The following ELMO1 variants were observed in gnomAD, a reference collection of about 807,000 sequenced individuals.
The protein encoded by ELMO1 is engulfment and cell motility protein 1.
ELMO1 carries 26 observed loss-of-function variants against 98.9 expected under a neutral mutation model. That is an observed-to-expected ratio of 0.26 (90% CI 0.19 to 0.36). ELMO1 has a LOEUF of 0.36. ELMO1 is among the 10% of genes least tolerant of loss of function. ELMO1 has a pLI of 1.00. For synonymous variants in ELMO1, 346 were observed against 346.0 expected (o/e 1.00, Z 0.00); for missense variants, 627 against 935.2 (o/e 0.67, Z 4.30).
intron 1 of ELMO1, among the ~76,000 whole-genome samples, chr7:37,412,836 C>T (rs1164057446): frequency 1.3e-5 from 2 of 152,282 alleles, no homozygotes; most frequent in Admixed American, 6.5e-5. Context: ...ACTCAAGCAG[C>T]CCTAAGAGAC....
chr7:37,411,620 T>G (rs576178711), intron 1 of ELMO1, among the ~76,000 whole-genome samples: 13 of 152,310 alleles, frequency 8.5e-5, no homozygotes, highest in African/African-American at 2.6e-4. Context: ...AATGGCATTT[T>G]TGTGTGTGTG....
chr7:37,376,467 T>C (rs1006774122), intron 1 of ELMO1, among the ~76,000 whole-genome samples: 1 of 152,232 alleles, frequency 6.6e-6, no homozygotes, highest in African/African-American at 2.4e-5. Flanking sequence ...ACATCACGAT[T>C]GTAAAACCTA....
At chr7:37,159,846 A>T (rs926194699) in intron 13 of ELMO1, among the ~76,000 whole-genome samples, 4 of 152,214 alleles carry the variant, frequency 2.6e-5, no homozygotes, top group African/African-American at 7.2e-5. Context: ...ACATAAAGTC[A>T]CGTTTGAAGA....
At chr7:37,048,452 C>T (rs1031898601) in intron 15 of ELMO1, among the ~76,000 whole-genome samples, 3 of 152,216 alleles carry the variant, frequency 2.0e-5, no homozygotes, top group Non-Finnish European at 4.4e-5. Flanking sequence ...GATTCCTGTG[C>T]ATTTGCATAA....
intron 19 of ELMO1, among the ~76,000 whole-genome samples, chr7:36,871,036 T>G (rs1286214053): frequency 6.6e-6 from 1 of 152,262 alleles, no homozygotes; most frequent in Non-Finnish European, 1.5e-5. Flanking sequence ...ATCTCATTAA[T>G]TCTATAAAGC....
rs1034280337 is a variant in ELMO1 at position 36,900,448 on chromosome 7, G to A, written c.1438-5431C>T. Among the ~76,000 whole-genome samples, 10 of 152,296 alleles carry A rather than the reference G, an allele frequency of 6.6e-5. No homozygotes were observed. The East Asian group carries it at 1.2e-3, about 18-fold the overall frequency. On this transcript the variant is annotated intron_variant, in intron 16 of 21. Transcript: ENST00000310758. The stretch of plus-strand genomic sequence containing the variant: ...GGCTCCCACCTTTGATCTGTAGATT[G>A]ACACAACAAATAAGTCCTTAGCAGA...
At chr7:37,141,864 C>T (rs968078540) in intron 13 of ELMO1, among the ~76,000 whole-genome samples, 8 of 152,142 alleles carry the variant, frequency 5.3e-5, no homozygotes, top group Non-Finnish European at 1.2e-4. Flanking sequence ...AACTGTCTTA[C>T]CCATGCTGAT....
chr7:37,104,179 C>A (rs1784817251), intron 14 of ELMO1, among the ~76,000 whole-genome samples: 1 of 151,908 alleles, frequency 6.6e-6, no homozygotes, highest in African/African-American at 2.4e-5. Flanking sequence ...AATGCTACGA[C>A]AACAACCTGT....
At chr7:37,113,539 T>C (rs1040283343) in intron 14 of ELMO1, among the ~76,000 whole-genome samples, 3 of 152,122 alleles carry the variant, frequency 2.0e-5, no homozygotes, top group African/African-American at 7.2e-5. Flanking sequence ...ATGAGCCATG[T>C]GGCTACCCAG....
At chr7:37,014,036 A>G (rs559962128) in intron 15 of ELMO1, among the ~76,000 whole-genome samples, 1 of 152,156 alleles carries the variant, frequency 6.6e-6, no homozygotes, top group Non-Finnish European at 1.5e-5. Flanking sequence ...CAACCTGAAT[A>G]GCTTTGAAGG....
chr7:37,321,734 A>AAAAAAAC (rs1323727577), intron 2 of ELMO1, among the ~76,000 whole-genome samples: 1 of 148,568 alleles, frequency 6.7e-6, no homozygotes, highest in Non-Finnish European at 1.5e-5. Context: ...AAAAAAAAAA[A>AAAAAAAC]AAAACACAGA....
At chr7:36,985,426 C>A (rs767417618) in intron 16 of ELMO1, among the ~76,000 whole-genome samples, 8 of 151,948 alleles carry the variant, frequency 5.3e-5, no homozygotes, top group Non-Finnish European at 7.4e-5. Flanking sequence ...AGAACAGTGG[C>A]ACACGGAGAA....
intron 14 of ELMO1, among the ~76,000 whole-genome samples, chr7:37,122,329 GAC>G (rs1400112584): frequency 1.3e-5 from 2 of 152,140 alleles, no homozygotes; most frequent in Non-Finnish European, 2.9e-5. Flanking sequence ...CCGATTAAAA[GAC>G]ACAGACTGGC....
At chr7:37,394,245 A>AG (rs1438701957) in intron 1 of ELMO1, among the ~76,000 whole-genome samples, 3 of 152,170 alleles carry the variant, frequency 2.0e-5, no homozygotes. Context: ...GACCAGGTGG[A>AG]GGGGGAAGCA....
At chr7:36,994,331 A>C (rs894564757) in intron 16 of ELMO1, among the ~76,000 whole-genome samples, 3 of 152,198 alleles carry the variant, frequency 2.0e-5, no homozygotes, top group African/African-American at 7.2e-5. Flanking sequence ...TCCATACAAT[A>C]TATGTGCTAT....
At chr7:37,426,100 A>G (rs1005055234) in intron 1 of ELMO1, among the ~76,000 whole-genome samples, 3 of 146,334 alleles carry the variant, frequency 2.1e-5, no homozygotes, top group Non-Finnish European at 3.0e-5. Context: ...CAGCCTCTCT[A>G]AACTTAGAGT....
chr7:36,939,534 A>G (rs923173604), intron 16 of ELMO1, among the ~76,000 whole-genome samples: 1 of 152,240 alleles, frequency 6.6e-6, no homozygotes, highest in Non-Finnish European at 1.5e-5. Context: ...TCCAACTTGG[A>G]TATGTTTTGA....
chr7:36,901,653 G>A (rs1308401529), intron 16 of ELMO1, among the ~76,000 whole-genome samples: 1 of 152,126 alleles, frequency 6.6e-6, no homozygotes, highest in African/African-American at 2.4e-5. Context: ...CTTACAAGCT[G>A]GGAAAATCAC....
intron 1 of ELMO1, among the ~76,000 whole-genome samples, chr7:37,416,613 C>T (rs10228204): frequency 0.17 from 25,420 of 152,192 alleles, 2,300 homozygotes; most frequent in South Asian, 0.26. Context: ...TTGCTTACAA[C>T]AGCTCAAGGC....
Sources: allele counts gnomAD v4.1 joint callset (sites outside exome capture counted in the v4.1 genomes callset), GRCh38; gene constraint gnomAD v4.1.1; transcripts MANE v1.5; gene names NCBI Gene and HGNC (gene_info 2026-07-23, HGNC 2026-07-21).